The following KSR2 variants were observed in gnomAD, a reference collection of about 807,000 sequenced individuals.
KSR2 encodes kinase suppressor of ras 2.
A neutral mutation model predicts 107.8 loss-of-function variants in KSR2; 25 were observed. The observed-to-expected ratio is 0.23, with a 90% CI of 0.17 to 0.32. The LOEUF is 0.32. KSR2 is among the 10% of genes least tolerant of loss of function. The pLI is 1.00. For synonymous variants in KSR2, 480 were observed against 507.0 expected, an observed-to-expected ratio of 0.95 and a Z score of 0.71; for missense variants, 887 against 1,268.9, an observed-to-expected ratio of 0.70 and a Z score of 4.57.
intron 4 of KSR2, among the ~76,000 whole-genome samples, chr12:117,740,408 A>AT (rs199646627): frequency 0.089 from 9,623 of 108,600 alleles, 588 homozygotes; most frequent in South Asian, 0.17. Flanking sequence ...TATGTACTAT[A>AT]TACATATATT....
At chr12:117,566,066 A>G (rs1878470624) in intron 7 of KSR2, among the ~76,000 whole-genome samples, 1 of 150,116 alleles carries the variant, frequency 6.7e-6, no homozygotes. Flanking sequence ...TTCATCACCC[A>G]GGTACTAAGC....
rs549998534 is a variant in KSR2 at position 117,893,933 on chromosome 12, G to A, written c.181-33502C>T. 2.6e-3 allele frequency among the ~76,000 whole-genome samples: 363 copies of A among 139,852 alleles called. 6 individuals are homozygous for A. Among genetic ancestry groups the A allele is most frequent in the Admixed American group, 0.015 (204 of 13,820 alleles). The allele number at this position is 139,852 out of a possible 152,430, so 91.7% of individuals were successfully genotyped here. On this transcript the variant is annotated intron_variant, in intron 1 of 19. Transcript: ENST00000339824. ...TTTTTTTTTTTTTTTTTTTTGAGAC[G>A]GAGTCTCGCTCTGTCGCCCAGGCTA...
intron 1 of KSR2, among the ~76,000 whole-genome samples, chr12:117,876,227 A>AC (rs1405850775): frequency 6.6e-5 from 10 of 152,218 alleles, no homozygotes; most frequent in African/African-American, 2.4e-4. Context: ...GGCCCAGCTG[A>AC]CGGGGGAGAG....
In KSR2 at chr12:117,464,733, T is replaced by A. The variant is rs891432695; in HGVS notation, c.*2466A>T. 2.0e-5 allele frequency: 3 copies of A among 152,048 alleles called. No homozygotes were observed. The highest frequency in any genetic ancestry group is 7.3e-5 in the African/African-American group (3 of 41,324). The allele number at this position is 152,048 out of a possible 1,614,324, so 9.4% of individuals were successfully genotyped here. ...ACCAATGCAGGTGGGGACAGAGTAGTGAAGTGGGGAAAGATCGAGAAGTCA... is the reference window on the plus strand; with the variant it reads ...ACCAATGCAGGTGGGGACAGAGTAGAGAAGTGGGGAAAGATCGAGAAGTCA... On this transcript the variant is annotated 3_prime_UTR_variant, in exon 20 of 20. Transcript: ENST00000339824.
intron 10 of KSR2, among the ~76,000 whole-genome samples, chr12:117,537,671 C>T (rs1018977601): frequency 4.0e-4 from 61 of 152,314 alleles, no homozygotes; most frequent in African/African-American, 1.3e-3. Flanking sequence ...ACTCTAACTG[C>T]CATGCTGAAG....
intron 1 of KSR2, among the ~76,000 whole-genome samples, chr12:117,873,141 T>A (rs1893704695): frequency 6.6e-6 from 1 of 152,016 alleles, no homozygotes; most frequent in African/African-American, 2.4e-5. Flanking sequence ...GGTCAGGAGT[T>A]TGAGACCAGC....
At chr12:117,759,134 G>T (rs1372777895) in intron 4 of KSR2, among the ~76,000 whole-genome samples, 1 of 152,198 alleles carries the variant, frequency 6.6e-6, no homozygotes, top group Non-Finnish European at 1.5e-5. Flanking sequence ...AAATATGACT[G>T]TTGTAAAATC....
At chr12:117,950,745 A>AT (rs1279313555) in intron 1 of KSR2, among the ~76,000 whole-genome samples, 3,400 of 120,154 alleles carry the variant, frequency 0.028, 65 homozygotes, top group African/African-American at 0.067. Context: ...TGTAAAAAAA[A>AT]AAAAAATAAT....
intron 4 of KSR2, among the ~76,000 whole-genome samples, chr12:117,722,506 A>C (rs1887252273): frequency 6.6e-6 from 1 of 152,222 alleles, no homozygotes; most frequent in Non-Finnish European, 1.5e-5. Flanking sequence ...CAAAACCAAG[A>C]TGGCCACAAG....
rs75181134 is a variant in KSR2, at chr12:117,548,517, T to C, written c.1518+6652A>G. On this transcript the variant is annotated intron_variant, in intron 9 of 19. Coordinates refer to ENST00000339824, the MANE Select transcript of KSR2 (RefSeq NM_173598.6). ...CATATAAGACATAGAACATACAAAA[T>C]ACATGTTAATAAACTCTGTGTTATT... Among the ~76,000 whole-genome samples the C allele has an allele frequency of 5.5e-3, 831 of 152,298 alleles. 10 individuals carry two copies. Among genetic ancestry groups the C allele is most frequent in the African/African-American group, 0.019 (770 of 41,558 alleles).
At chr12:117,549,977 C>A (rs1877177583) in intron 9 of KSR2, among the ~76,000 whole-genome samples, 1 of 152,222 alleles carries the variant, frequency 6.6e-6, no homozygotes, top group Non-Finnish European at 1.5e-5. Flanking sequence ...GCAGGTTAAA[C>A]CCACATCTGT....
intron 1 of KSR2, among the ~76,000 whole-genome samples, chr12:117,917,504 C>T (rs1209104067): frequency 6.6e-6 from 1 of 152,032 alleles, no homozygotes; most frequent in Non-Finnish European, 1.5e-5. Flanking sequence ...CACTGCACTC[C>T]AGCCTGGATG....
chr12:117,777,107 T>TATATATATATATATATATACAC (rs58787858), intron 3 of KSR2, among the ~76,000 whole-genome samples: 1 of 66,156 alleles, frequency 1.5e-5, no homozygotes, highest in African/African-American at 6.0e-5. Flanking sequence ...TATATATATA[T>TATATATATATATATATATACAC]ACACACACAC....
intron 5 of KSR2, among the ~76,000 whole-genome samples, chr12:117,601,079 C>A (rs183003259): frequency 6.6e-6 from 1 of 152,214 alleles, no homozygotes; most frequent in Admixed American, 6.5e-5. Context: ...AGTCTAGTTG[C>A]TGGGGTTGGC....
chr12:117,494,269 C>T (rs951024439), intron 14 of KSR2, among the ~76,000 whole-genome samples: 2 of 151,156 alleles, frequency 1.3e-5, no homozygotes, highest in African/African-American at 4.9e-5. Context: ...CTGTAGTGTA[C>T]CACACCTGGT....
chr12:117,745,766 A>G (rs1235866830), intron 4 of KSR2, among the ~76,000 whole-genome samples: 2 of 152,134 alleles, frequency 1.3e-5, no homozygotes, highest in Non-Finnish European at 2.9e-5. Context: ...CAAAAATCAC[A>G]AGCATTCCTA....
At chr12:117,892,787 C>CAAAAAA (rs35897528) in intron 1 of KSR2, among the ~76,000 whole-genome samples, 5 of 87,112 alleles carry the variant, frequency 5.7e-5, no homozygotes, top group Middle Eastern at 6.5e-3. Context: ...GTGCTATGTG[C>CAAAAAA]AAAAAAAAAA....
At chr12:117,875,307 C>G (rs996872320) in intron 1 of KSR2, among the ~76,000 whole-genome samples, 2 of 150,770 alleles carry the variant, frequency 1.3e-5, no homozygotes, top group African/African-American at 4.9e-5. Context: ...TTTGACAGAG[C>G]TCCAAATCCT....
intron 5 of KSR2, among the ~76,000 whole-genome samples, chr12:117,603,612 T>A (rs1350403638): frequency 6.6e-6 from 1 of 152,176 alleles, no homozygotes; most frequent in South Asian, 2.1e-4. Flanking sequence ...CCAGCAATGA[T>A]ATGGGATGAA....
Sources: allele counts gnomAD v4.1 joint callset (sites outside exome capture counted in the v4.1 genomes callset), GRCh38; gene constraint gnomAD v4.1.1; transcripts MANE v1.5; gene names NCBI Gene and HGNC (gene_info 2026-07-23, HGNC 2026-07-21).